The following NCAM2 variants were observed in gnomAD, a reference collection of about 807,000 sequenced individuals.
NCAM2 encodes the protein N-CAM-2.
In NCAM2, 30 loss-of-function variants were observed where a neutral mutation model predicts 98.1. The ratio of observed to expected loss-of-function variants is 0.31; its 90% CI spans 0.23 to 0.41. NCAM2 has a LOEUF of 0.41. Among genes scored for constraint, NCAM2 ranks in the 10% least tolerant of loss-of-function variants. The probability of loss-of-function intolerance (pLI) is 1.00; values close to 1 mark genes in which losing one functional copy is unlikely to be tolerated. For synonymous variants in NCAM2, 368 were observed against 342.4 expected (o/e 1.07, Z -0.83); for missense variants, 867 against 1,005.8 (o/e 0.86, Z 1.87).
chr21:21,433,909 AATTAAT>A (rs1252618055), intron 12 of NCAM2, among the ~76,000 whole-genome samples: 13 of 150,696 alleles, frequency 8.6e-5, no homozygotes, highest in Non-Finnish European at 1.8e-4. Context: ...GCACACAGAA[AATTAAT>A]ATTAAGTCTG....
chr21:21,419,654 T>A (rs887319839), intron 11 of NCAM2, among the ~76,000 whole-genome samples: 2 of 151,792 alleles, frequency 1.3e-5, no homozygotes, highest in African/African-American at 4.8e-5. Flanking sequence ...AATGATGGTT[T>A]CCAGTTTCAT....
chr21:21,060,393 C>T (rs1290092671), intron 1 of NCAM2, among the ~76,000 whole-genome samples: 1 of 151,968 alleles, frequency 6.6e-6, no homozygotes, highest in Non-Finnish European at 1.5e-5. Flanking sequence ...CTAAATCTTC[C>T]AGATTCTGGT....
intron 1 of NCAM2, among the ~76,000 whole-genome samples, chr21:21,116,208 G>C (rs2066556780): frequency 6.6e-6 from 1 of 152,088 alleles, no homozygotes; most frequent in Non-Finnish European, 1.5e-5. Context: ...TTGACGAGAA[G>C]TGAACCACAT....
At chr21:21,150,705 C>T (rs8128553) in intron 1 of NCAM2, among the ~76,000 whole-genome samples, 147,343 of 151,962 alleles carry the variant, frequency 0.97, 71,578 homozygotes, top group East Asian at 1. Flanking sequence ...ATTGTTAGAT[C>T]CATTTTTCTT....
chr21:21,393,415 A>G (rs2076424645), intron 9 of NCAM2, among the ~76,000 whole-genome samples: 1 of 152,156 alleles, frequency 6.6e-6, no homozygotes, highest in Non-Finnish European at 1.5e-5. Context: ...TGCAAATACT[A>G]GGGCGATCAA....
chr21:21,499,647 A>G (rs1987495638), intron 15 of NCAM2, among the ~76,000 whole-genome samples: 1 of 152,228 alleles, frequency 6.6e-6, no homozygotes, highest in Non-Finnish European at 1.5e-5. Flanking sequence ...GCTATAAGCA[A>G]CAAGTAACAA....
At chr21:21,113,933 A>T (rs2066502109) in intron 1 of NCAM2, among the ~76,000 whole-genome samples, 1 of 152,028 alleles carries the variant, frequency 6.6e-6, no homozygotes, top group African/African-American at 2.4e-5. Flanking sequence ...TAATTGCTTT[A>T]TTCGGGAGTT....
intron 1 of NCAM2, among the ~76,000 whole-genome samples, chr21:21,067,261 C>A (rs1344076378): frequency 6.6e-6 from 1 of 151,682 alleles, no homozygotes; most frequent in Admixed American, 6.6e-5. Flanking sequence ...ATTAAAAATG[C>A]GTTACTAAAA....
chr21:21,496,504 G>T (rs949671770), intron 15 of NCAM2, among the ~76,000 whole-genome samples: 1 of 151,960 alleles, frequency 6.6e-6, no homozygotes, highest in Non-Finnish European at 1.5e-5. Context: ...CATAGATTCT[G>T]GATAATAGAC....
intron 1 of NCAM2, among the ~76,000 whole-genome samples, chr21:21,191,741 T>C (rs2068830391): frequency 6.6e-6 from 1 of 152,144 alleles, no homozygotes. Context: ...ATTTATTGAG[T>C]TTCTTCTGTG....
At chr21:21,063,611 G>C (rs2065369414) in intron 1 of NCAM2, among the ~76,000 whole-genome samples, 1 of 152,028 alleles carries the variant, frequency 6.6e-6, no homozygotes, top group Admixed American at 6.6e-5. Flanking sequence ...TTTTCTAGTT[G>C]TTAAAATCCT....
chr21:21,437,332 C>T (rs1283818581), intron 12 of NCAM2, among the ~76,000 whole-genome samples: 5 of 152,012 alleles, frequency 3.3e-5, no homozygotes, highest in Non-Finnish European at 7.4e-5. Context: ...GCCAGAAATT[C>T]CACACAACAT....
At chr21:21,314,908 T>C (rs2074171887) in intron 5 of NCAM2, among the ~76,000 whole-genome samples, 1 of 152,210 alleles carries the variant, frequency 6.6e-6, no homozygotes, top group South Asian at 2.1e-4. Context: ...TGCTTTAAAA[T>C]AGCTTTTAGA....
chr21:21,491,827 C>A (rs1986870338), intron 15 of NCAM2, among the ~76,000 whole-genome samples: 1 of 151,392 alleles, frequency 6.6e-6, no homozygotes, highest in East Asian at 1.9e-4. Flanking sequence ...AATTTTAATG[C>A]ATTTATAAGT....
At chr21:21,493,996 G>A (rs2826863) in intron 15 of NCAM2, among the ~76,000 whole-genome samples, 59,607 of 151,624 alleles carry the variant, frequency 0.39, 12,910 homozygotes, top group Middle Eastern at 0.52. Flanking sequence ...TGATGTTTTT[G>A]TATAACTCTA....
At chr21:21,433,742 CAATAAAATAA>C (rs71322060) in intron 12 of NCAM2, among the ~76,000 whole-genome samples, 18,580 of 104,912 alleles carry the variant, frequency 0.18, 1,490 homozygotes, top group South Asian at 0.28. Flanking sequence ...GACTCCATCT[CAATAAAATAA>C]AATAAAATAA....
rs940748509 is a variant in NCAM2 at position 20,998,548 on chromosome 21, G to C, written c.-16G>C. ...TTAATAACTTTGAAACTGTCCACCG[G>C]TGTCACGTCCTGAACATGAGCCTCC... is the stretch of plus-strand genomic sequence containing the variant. On this transcript the variant is annotated 5_prime_UTR_variant, in exon 1 of 18. Coordinates refer to ENST00000400546, the MANE Select transcript of NCAM2 (RefSeq NM_004540.5). 2 of 1,613,412 alleles carry C rather than the reference G, an allele frequency of 1.2e-6. No individual in the cohort carries two copies. The highest frequency in any genetic ancestry group is 1.7e-6 in the Non-Finnish European group (2 of 1,179,534).
intron 1 of NCAM2, among the ~76,000 whole-genome samples, chr21:21,194,911 T>G (rs1015855035): frequency 1.3e-5 from 2 of 152,170 alleles, no homozygotes; most frequent in African/African-American, 4.8e-5. Context: ...TTTCCCCATT[T>G]CCATCACCCT....
At chr21:21,299,327 C>G (rs2073621121) in intron 5 of NCAM2, among the ~76,000 whole-genome samples, 1 of 150,874 alleles carries the variant, frequency 6.6e-6, no homozygotes, top group African/African-American at 2.4e-5. Context: ...GTGTCATATC[C>G]TATGGCTTTT....
Sources: allele counts gnomAD v4.1 joint callset (sites outside exome capture counted in the v4.1 genomes callset), GRCh38; gene constraint gnomAD v4.1.1; transcripts MANE v1.5; gene names NCBI Gene and HGNC (gene_info 2026-07-23, HGNC 2026-07-21).